The following DNAH5 variants were observed in gnomAD, a reference collection of about 807,000 sequenced individuals.
DNAH5 encodes the protein axonemal beta dynein heavy chain 5.
DNAH5 carries 372 observed loss-of-function variants against 518.2 expected under a neutral mutation model. The ratio of observed to expected loss-of-function variants is 0.72; its 90% CI spans 0.66 to 0.78. DNAH5 has a LOEUF of 0.78. DNAH5 is among the 30% of genes least tolerant of loss of function. The pLI is 0.00. For synonymous variants in DNAH5, 2,039 were observed against 2,025.9 expected, an observed-to-expected ratio of 1.01 and a Z score of -0.17; for missense variants, 5,523 against 5,687.0, an observed-to-expected ratio of 0.97 and a Z score of 0.93.
rs574427770 is a variant in DNAH5, at chr5:13,821,487, C to G, written c.6688-988G>C. ...TTATAATAACATGATGGAAGGGATG[C>G]TATTAACATCTTCCTTTTACAGATA... is the stretch of plus-strand genomic sequence containing the variant. On this transcript the variant is annotated intron_variant, in intron 40 of 78. Coordinates refer to ENST00000265104, the MANE Select transcript of DNAH5 (RefSeq NM_001369.3). Among the ~76,000 whole-genome samples the G allele has an allele frequency of 2.0e-5, 3 of 152,200 alleles. No individual in the cohort carries two copies. In the East Asian group the frequency reaches 5.8e-4, roughly 29 times the overall value.
In DNAH5 at chr5:13,752,266, G is replaced by T. The variant is rs1483774060; in HGVS notation, c.10896C>A (p.Tyr3632Ter). ...GGCTGTCTTCCAGGTGGTTTCTGAA[G>T]TACTTGTGATTTAAAGACGTGATCT... ...ELQITSLNHK[Y>*]FRNHLEDSLS... Residue 3632 changes from tyrosine (Y) to a stop codon, truncating the protein, a stop_gained, in exon 64 of 79, where the codon TAC (tyrosine) becomes TAA (stop). Transcript: ENST00000265104. LOFTEE classifies it high-confidence loss of function. 6.2e-7 allele frequency: 1 copy of T among 1,614,048 alleles called. No homozygotes were observed. The highest frequency in any genetic ancestry group is 1.1e-5 in the South Asian group (1 of 91,082).
chr5:13,760,796 C>A (rs1474014846), intron 60 of DNAH5, among the ~76,000 whole-genome samples: 3 of 152,130 alleles, frequency 2.0e-5, no homozygotes, highest in African/African-American at 4.8e-5. Flanking sequence ...CAGGGGTTTG[C>A]CAGTGAAGCC....
chr5:13,700,673 T>G lies in DNAH5; in HGVS notation c.13690A>C (p.Met4564Leu), dbSNP rs1741975404. Residue 4564 changes from methionine (M) to leucine (L), a missense_variant, in exon 78 of 79, where the codon ATG becomes CTG. Coordinates refer to ENST00000265104, the MANE Select transcript of DNAH5 (RefSeq NM_001369.3). ...ESKPKVLFEL[M>L]PVIRIYAENN... ...TCTGCATAAATCCTTATGACAGGCA[T>G]CAACTCAAAGAGCACTTTTGGCTTT... 6.2e-7 allele frequency: 1 copy of G among 1,614,056 alleles called. No homozygotes were observed. Among genetic ancestry groups the G allele is most frequent in the Non-Finnish European group, 8.5e-7 (1 of 1,180,006 alleles).
At chr5:13,798,146 A>G (rs1207953627) in intron 47 of DNAH5, among the ~76,000 whole-genome samples, 2 of 152,184 alleles carry the variant, frequency 1.3e-5, no homozygotes, top group Non-Finnish European at 2.9e-5. Flanking sequence ...TGGCACATGT[A>G]TACCTATGTA....
chr5:13,839,238 TA>T, intron 35 of DNAH5, 117 bp downstream of exon 35: 1 of 904,758 alleles, frequency 1.1e-6, no homozygotes, highest in Non-Finnish European at 1.7e-6. Context: ...CTAAAAATAC[TA>T]AATTTCAAAG....
At chr5:13,889,822 G>C (rs1772948917) in intron 17 of DNAH5, among the ~76,000 whole-genome samples, 1 of 152,134 alleles carries the variant, frequency 6.6e-6, no homozygotes, top group African/African-American at 2.4e-5. Flanking sequence ...ACCTGTCTTT[G>C]TTCCTTATGA....
chr5:13,966,460 T>C (rs907611540), intron 1 of DNAH5, among the ~76,000 whole-genome samples: 2 of 152,236 alleles, frequency 1.3e-5, no homozygotes, highest in African/African-American at 4.8e-5. Context: ...ATAGTGGTTG[T>C]ACTAGTTTAC....
chr5:13,981,002 C>T (rs1782636193), intron 1 of DNAH5, among the ~76,000 whole-genome samples: 1 of 152,188 alleles, frequency 6.6e-6, no homozygotes, highest in South Asian at 2.1e-4. Flanking sequence ...TACCAGTGAG[C>T]CAACTTCTGA....
At chr5:14,002,201 A>G (rs900687780) in intron 1 of DNAH5, among the ~76,000 whole-genome samples, 1 of 152,106 alleles carries the variant, frequency 6.6e-6, no homozygotes, top group African/African-American at 2.4e-5. Flanking sequence ...CAGGCCATGA[A>G]TTTTAATATC....
intron 43 of DNAH5, among the ~76,000 whole-genome samples, chr5:13,812,974 T>C (rs1262260862): frequency 6.6e-6 from 1 of 152,112 alleles, no homozygotes. Context: ...CACTTTTGAG[T>C]TGATGGAACC....
chr5:13,928,858 G>C (rs77262323), intron 2 of DNAH5, among the ~76,000 whole-genome samples: 2,297 of 152,330 alleles, frequency 0.015, 56 homozygotes, highest in African/African-American at 0.053. Flanking sequence ...TGCTGGCGAG[G>C]ATGTGGAGAA....
intron 14 of DNAH5, 121 bp from the exon 15 acceptor site, chr5:13,900,533 T>G: frequency 1.2e-6 from 1 of 827,926 alleles, no homozygotes; most frequent in South Asian, 1.5e-5. Context: ...GCTTCCTAAA[T>G]TAAGGGCAAT....
chr5:13,858,112 T>C (rs2151897224), intron 30 of DNAH5, among the ~76,000 whole-genome samples: 1 of 152,228 alleles, frequency 6.6e-6, no homozygotes, highest in South Asian at 2.1e-4. Flanking sequence ...TAAAGACATA[T>C]GCACACGTAT....
intron 32 of DNAH5, 35 bp downstream of exon 32, chr5:13,844,802 G>T (rs181150296): frequency 6.2e-7 from 1 of 1,613,864 alleles, no homozygotes; most frequent in Non-Finnish European, 8.5e-7. Context: ...TCGAAGGTAC[G>T]GTGATTGTTG....
In DNAH5 at chr5:13,809,043, C is replaced by T. The variant is rs1760148471; in HGVS notation, c.7752+1G>A. ...CAGTTAATAAAAATTAAAAGTCATA[C>T]CTTGCCCTGTTTAGCAATGGTTTGA... is the stretch of plus-strand genomic sequence containing the variant. On this transcript the variant is annotated splice_donor_variant, in intron 46 of 78. Coordinates refer to ENST00000265104, the MANE Select transcript of DNAH5 (RefSeq NM_001369.3). LOFTEE classifies it high-confidence loss of function. 6.2e-7 allele frequency: 1 copy of T among 1,614,026 alleles called. No homozygotes were observed. Among genetic ancestry groups the T allele is most frequent in the Non-Finnish European group, 8.5e-7 (1 of 1,180,008 alleles).
Position 13,817,819 on chromosome 5 carries a change from T to C in DNAH5, c.6842-125A>G, listed in dbSNP as rs374869182. On this transcript the variant is annotated intron_variant, in intron 41 of 78. Transcript: ENST00000265104. ...AAAATATGAAAACTGCAGAACTACA[T>C]TGAAAATATGTCTTACTGCATTCTA... The C allele has an allele frequency of 1.4e-4, 113 of 822,496 alleles. 1 individual carries two copies. The highest frequency in any genetic ancestry group is 1.1e-3 in the African/African-American group (67 of 58,658). 50.9% of individuals were successfully genotyped at this position (822,496 alleles called of 1,614,324 possible). A position where few individuals can be genotyped will look rare whatever the true frequency, so the allele number is the denominator to read the frequency against.
At position 13,780,847 on chromosome 5, in the gene DNAH5, A is replaced by G. The variant is rs1330417749; in HGVS notation, c.8933T>C (p.Phe2978Ser). 1 of 1,613,560 alleles carries G rather than the reference A, an allele frequency of 6.2e-7. No homozygotes were observed. Among genetic ancestry groups the G allele is most frequent in the Non-Finnish European group, 8.5e-7 (1 of 1,179,736 alleles). ...TTGTCACCTCGTCAGAGTGATCTGGAAGGAAACGTAGCCAGCAATGAATGA... is the reference window on the plus strand; with the variant it reads ...TTGTCACCTCGTCAGAGTGATCTGGGAGGAAACGTAGCCAGCAATGAATGA... ...LASFIAGYVS[F>S]QITLTRSYNT... Residue 2978 changes from phenylalanine (F) to serine (S), a missense_variant, in exon 53 of 79, where the codon TTC (phenylalanine) becomes TCC (serine). Phe to Ser is a radical substitution (Grantham distance 155). Around this residue, in one of 3 missense-constraint regions of DNAH5, gnomAD observed 5,121 missense variants for 5,223.3 expected, o/e 0.98. Coordinates refer to ENST00000265104, the MANE Select transcript of DNAH5 (RefSeq NM_001369.3).
At chr5:13,830,440 A>G (rs957624719) in intron 36 of DNAH5, among the ~76,000 whole-genome samples, 157 bp downstream of exon 36, 2 of 152,150 alleles carry the variant, frequency 1.3e-5, no homozygotes, top group African/African-American at 4.8e-5. Context: ...AGGAAGTAAC[A>G]TTTGGTCCAC....
At chr5:13,943,882 A>C (rs1779686512) in intron 1 of DNAH5, among the ~76,000 whole-genome samples, 1 of 152,216 alleles carries the variant, frequency 6.6e-6, no homozygotes. Context: ...AAAGCTGCTG[A>C]GCTGAGCCCT....
Sources: gnomAD v4.1 joint callset for allele counts (sites outside exome capture counted in the v4.1 genomes callset) on GRCh38, gnomAD v4.1.1 for gene constraint, gnomAD v4.1.1 regional missense constraint, MANE v1.5 for transcripts, NCBI Gene and HGNC (gene_info 2026-07-23, HGNC 2026-07-21) for gene names.